Variants in TENM4 observed in about 807,000 individuals in gnomAD.
TENM4 encodes teneurin-4.
In TENM4, 82 loss-of-function variants were observed where a neutral mutation model predicts 243.3. The ratio of observed to expected loss-of-function variants is 0.34; its 90% CI spans 0.28 to 0.40. The LOEUF (loss-of-function observed/expected upper bound fraction) is 0.40. Among genes scored for constraint, TENM4 ranks in the 10% least tolerant of loss-of-function variants. The pLI is 1.00. For synonymous variants in TENM4, 1,412 were observed against 1,456.3 expected (o/e 0.97, Z 0.69); for missense variants, 3,138 against 3,673.3 (o/e 0.85, Z 3.77).
chr11:78,852,496 A>C (rs1268151448), intron 12 of TENM4, among the ~76,000 whole-genome samples: 1 of 151,904 alleles, frequency 6.6e-6, no homozygotes. Flanking sequence ...CAGCCTAGGC[A>C]ATGTGGTGAA....
At chr11:78,664,743 AAACAG>A (rs1364106098) in intron 32 of TENM4, among the ~76,000 whole-genome samples, 1 of 152,182 alleles carries the variant, frequency 6.6e-6, no homozygotes, top group Non-Finnish European at 1.5e-5. Context: ...AAATTAAAAC[AAACAG>A]AACAGGAGGA....
intron 12 of TENM4, among the ~76,000 whole-genome samples, chr11:78,840,234 C>G (rs1171196264): frequency 6.6e-6 from 1 of 152,154 alleles, no homozygotes; most frequent in Non-Finnish European, 1.5e-5. Context: ...TCACGTTAGC[C>G]TTCTGCTTTA....
intron 12 of TENM4, among the ~76,000 whole-genome samples, chr11:78,839,908 T>C (rs1396757443): frequency 2.0e-5 from 3 of 152,166 alleles, no homozygotes; most frequent in Non-Finnish European, 2.9e-5. Context: ...GCAAAATACA[T>C]GTGAACCAGA....
chr11:78,737,847 C>T (rs1855835281), intron 20 of TENM4, among the ~76,000 whole-genome samples: 1 of 152,130 alleles, frequency 6.6e-6, no homozygotes, highest in Non-Finnish European at 1.5e-5. Flanking sequence ...TACTATGCGC[C>T]AGGTGCTTCC....
chr11:79,022,245 C>T (rs1218825896), intron 6 of TENM4, among the ~76,000 whole-genome samples: 2 of 152,152 alleles, frequency 1.3e-5, no homozygotes, highest in Non-Finnish European at 2.9e-5. Flanking sequence ...TATAAAGATA[C>T]CATTTTGCAG....
intron 12 of TENM4, among the ~76,000 whole-genome samples, chr11:78,820,120 C>A (rs1189542232): frequency 6.6e-6 from 1 of 152,216 alleles, no homozygotes; most frequent in African/African-American, 2.4e-5. Context: ...GATAGCATAG[C>A]TGGGATTTAA....
intron 6 of TENM4, among the ~76,000 whole-genome samples, chr11:79,019,748 G>A (rs922893306): frequency 3.3e-5 from 5 of 152,208 alleles, no homozygotes; most frequent in African/African-American, 1.2e-4. Flanking sequence ...GTGAGAGGGG[G>A]GTTGAGGAAG....
At chr11:78,727,434 CAAAAAAA>C (rs397973910) in intron 22 of TENM4, among the ~76,000 whole-genome samples, 5 of 93,320 alleles carry the variant, frequency 5.4e-5, no homozygotes, top group Non-Finnish European at 7.5e-5. Flanking sequence ...GACTCCGCCT[CAAAAAAA>C]AAAAAAAGAA....
chr11:79,042,364 C>G (rs1258596633), intron 6 of TENM4, among the ~76,000 whole-genome samples: 1 of 152,194 alleles, frequency 6.6e-6, no homozygotes, highest in Non-Finnish European at 1.5e-5. Context: ...ATGCTAATAC[C>G]TAAACCCCAA....
intron 6 of TENM4, among the ~76,000 whole-genome samples, chr11:78,948,396 C>T (rs528794525): frequency 1.8e-4 from 25 of 135,280 alleles, no homozygotes; most frequent in East Asian, 1.1e-3. Flanking sequence ...TTTTTTGAGA[C>T]GGAGTCTTGC....
Position 78,802,678 on chromosome 11 carries a change from G to A in TENM4, c.2179+2614C>T, listed in dbSNP as rs897697836. On this transcript the variant is annotated intron_variant, in intron 15 of 33. Coordinates refer to ENST00000278550, the MANE Select transcript of TENM4 (RefSeq NM_001098816.3). The stretch of plus-strand genomic sequence containing the variant: ...TCATCACAGGAACAGGGGCAATACC[G>A]TACCTGTCATCCCAACCTCACAGGG... Among the ~76,000 whole-genome samples, 7 of 152,226 alleles carry A rather than the reference G, an allele frequency of 4.6e-5. No homozygotes were observed. In the South Asian group the frequency reaches 6.2e-4, roughly 13 times the overall value.
intron 2 of TENM4, among the ~76,000 whole-genome samples, chr11:79,272,309 TG>T (rs1382368799): frequency 6.6e-6 from 1 of 152,190 alleles, no homozygotes; most frequent in Non-Finnish European, 1.5e-5. Context: ...CTGAAACCTG[TG>T]TGATTTTAAA....
intron 2 of TENM4, among the ~76,000 whole-genome samples, chr11:79,290,463 G>A (rs934911428): frequency 3.3e-5 from 5 of 152,182 alleles, no homozygotes; most frequent in African/African-American, 9.7e-5. Flanking sequence ...TTTGGCATCC[G>A]ATCAATCCAG....
intron 6 of TENM4, chr11:79,021,705 G>A (rs939229357): frequency 1.3e-5 from 2 of 152,196 alleles, no homozygotes; most frequent in South Asian, 2.1e-4. Context: ...TAAATGGGGT[G>A]CCCACTGCCA....
chr11:78,785,042 TG>T (rs1291450532), intron 16 of TENM4, among the ~76,000 whole-genome samples: 2 of 99,522 alleles, frequency 2.0e-5, no homozygotes, highest in African/African-American at 6.3e-5. Context: ...CTGGTTTTTT[TG>T]TTTCTGTTTT....
At chr11:79,257,008 A>G (rs1012108041) in intron 2 of TENM4, among the ~76,000 whole-genome samples, 1 of 152,142 alleles carries the variant, frequency 6.6e-6, no homozygotes, top group Non-Finnish European at 1.5e-5. Context: ...CTGCAATTTA[A>G]AGGATAAGCA....
At chr11:79,408,742 T>C (rs1233781732) in intron 1 of TENM4, among the ~76,000 whole-genome samples, 1 of 152,120 alleles carries the variant, frequency 6.6e-6, no homozygotes, top group African/African-American at 2.4e-5. Context: ...ATAAAGATGT[T>C]AGAAAATGGT....
intron 1 of TENM4, among the ~76,000 whole-genome samples, chr11:79,356,161 C>T (rs573743593): frequency 3.7e-4 from 57 of 152,260 alleles, no homozygotes; most frequent in African/African-American, 1.1e-3. Flanking sequence ...TGCATCTGGA[C>T]GTGAATCCAA....
At chr11:79,307,799 AC>A (rs879396054) in intron 1 of TENM4, among the ~76,000 whole-genome samples, 1 of 152,110 alleles carries the variant, frequency 6.6e-6, no homozygotes, top group African/African-American at 2.4e-5. Flanking sequence ...AAGATTCCCC[AC>A]CAAGGATCTT....
Sources: allele counts gnomAD v4.1 joint callset (sites outside exome capture counted in the v4.1 genomes callset), GRCh38; gene constraint gnomAD v4.1.1; transcripts MANE v1.5; gene names NCBI Gene and HGNC (gene_info 2026-07-23, HGNC 2026-07-21).